Variants in DPP10 observed in about 807,000 individuals in gnomAD.
The protein encoded by DPP10 is dipeptidyl peptidase like 10.
In DPP10, 33 loss-of-function variants were observed where a neutral mutation model predicts 120.9. The ratio of observed to expected loss-of-function variants is 0.27; its 90% CI spans 0.21 to 0.37. The LOEUF is 0.37. Among genes scored for constraint, DPP10 ranks in the 10% least tolerant of loss-of-function variants. DPP10 has a pLI of 1.00. For synonymous variants in DPP10, 337 were observed against 326.1 expected, an observed-to-expected ratio of 1.03 and a Z score of -0.36; for missense variants, 816 against 942.8, an observed-to-expected ratio of 0.87 and a Z score of 1.76.
chr2:115,645,269 T>C (rs1558971703), intron 5 of DPP10, among the ~76,000 whole-genome samples: 1 of 152,206 alleles, frequency 6.6e-6, no homozygotes, highest in African/African-American at 2.4e-5. Flanking sequence ...TAAAACTTTG[T>C]ATCAGTTACC....
At position 115,690,527 on chromosome 2, in the gene DPP10, T is replaced by C. The variant is rs142432159; in HGVS notation, c.576+606T>C. ...TCCCAGGTTTAAGCAATTCTTGTGCTTCAGCCTCCTGAGTACTTGGGATTA... is the reference window on the plus strand; with the variant it reads ...TCCCAGGTTTAAGCAATTCTTGTGCCTCAGCCTCCTGAGTACTTGGGATTA... On this transcript the variant is annotated intron_variant, in intron 7 of 25. Coordinates refer to ENST00000410059, the MANE Select transcript of DPP10 (RefSeq NM_020868.6). Among the ~76,000 whole-genome samples the C allele has an allele frequency of 1.9e-3, 290 of 152,222 alleles. 1 individual carries two copies. Among genetic ancestry groups the C allele is most frequent in the African/African-American group, 6.7e-3 (278 of 41,548 alleles).
intron 1 of DPP10, among the ~76,000 whole-genome samples, chr2:115,288,870 T>C (rs1034756041): frequency 1.3e-5 from 2 of 151,960 alleles, no homozygotes; most frequent in Non-Finnish European, 2.9e-5. Flanking sequence ...AGCATTCCTC[T>C]TAAGAACTGG....
chr2:115,715,645 G>A (rs1012579988), intron 7 of DPP10, among the ~76,000 whole-genome samples: 1 of 152,172 alleles, frequency 6.6e-6, no homozygotes, highest in Non-Finnish European at 1.5e-5. Flanking sequence ...AGACACATTA[G>A]GACTGCAGTG....
At chr2:115,200,403 A>G (rs757876884) in intron 1 of DPP10, among the ~76,000 whole-genome samples, 10 of 151,986 alleles carry the variant, frequency 6.6e-5, no homozygotes, top group Non-Finnish European at 1.5e-4. Context: ...TTTTTCCCCC[A>G]AAGTCATTAA....
intron 1 of DPP10, among the ~76,000 whole-genome samples, chr2:114,741,190 A>G (rs951919967): frequency 3.3e-5 from 5 of 152,196 alleles, no homozygotes; most frequent in African/African-American, 4.8e-5. Flanking sequence ...GCACTCCTAC[A>G]TCTGTCTACC....
At chr2:115,264,816 G>A (rs1466379940) in intron 1 of DPP10, among the ~76,000 whole-genome samples, 22 of 152,076 alleles carry the variant, frequency 1.4e-4, no homozygotes, top group Admixed American at 1.4e-3. Flanking sequence ...GTTTTAAAAT[G>A]TAAAGCTTTA....
chr2:115,504,224 T>A (rs759962470), intron 4 of DPP10, among the ~76,000 whole-genome samples: 2 of 151,434 alleles, frequency 1.3e-5, no homozygotes, highest in African/African-American at 2.4e-5. Flanking sequence ...TACTTCTGAT[T>A]GGGACTTTTT....
chr2:115,009,294 T>C (rs1473413648), intron 1 of DPP10, among the ~76,000 whole-genome samples: 2 of 151,524 alleles, frequency 1.3e-5, no homozygotes, highest in Admixed American at 6.6e-5. Context: ...ATGGATGAAA[T>C]TGGAAACCAT....
At chr2:115,634,512 T>C (rs562936053) in intron 5 of DPP10, among the ~76,000 whole-genome samples, 1 of 152,322 alleles carries the variant, frequency 6.6e-6, no homozygotes, top group East Asian at 1.9e-4. Flanking sequence ...CAGACTCTAT[T>C]TACCTGGTTC....
intron 2 of DPP10, among the ~76,000 whole-genome samples, chr2:115,312,168 AAAT>A (rs1444447509): frequency 2.0e-5 from 3 of 152,192 alleles, no homozygotes; most frequent in African/African-American, 7.2e-5. Context: ...ATAAAAAAGA[AAAT>A]AATAATGCTG....
chr2:115,610,720 G>A (rs1430306003), intron 5 of DPP10, among the ~76,000 whole-genome samples: 1 of 152,118 alleles, frequency 6.6e-6, no homozygotes, highest in African/African-American at 2.4e-5. Flanking sequence ...GAGATCTTGA[G>A]TAACCTGACA....
chr2:115,834,603 TA>T, intron 21 of DPP10, among the ~76,000 whole-genome samples: 1 of 152,230 alleles, frequency 6.6e-6, no homozygotes, highest in East Asian at 1.9e-4. Flanking sequence ...CTTGGCTTAT[TA>T]AAAAACATTT....
At chr2:115,432,659 T>TTG (rs59844767) in intron 3 of DPP10, among the ~76,000 whole-genome samples, 2,218 of 137,716 alleles carry the variant, frequency 0.016, 43 homozygotes, top group East Asian at 0.042. Flanking sequence ...ATAGGCAATT[T>TTG]TGTGTGTGTG....
intron 1 of DPP10, among the ~76,000 whole-genome samples, chr2:115,186,718 GGT>G (rs1326717865): frequency 6.6e-6 from 1 of 152,148 alleles, no homozygotes. Context: ...TCTAGGAGGT[GGT>G]GTGTGATGAG....
intron 1 of DPP10, among the ~76,000 whole-genome samples, chr2:115,004,657 C>A (rs530441285): frequency 6.6e-6 from 1 of 152,174 alleles, no homozygotes. Flanking sequence ...TGCACTTTTC[C>A]GTTGGGCTTA....
At chr2:115,119,731 A>T (rs746311272) in intron 1 of DPP10, among the ~76,000 whole-genome samples, 6 of 152,166 alleles carry the variant, frequency 3.9e-5, no homozygotes, top group Non-Finnish European at 7.3e-5. Context: ...TTCTAAAAGG[A>T]TGCCTCTTGA....
chr2:115,477,958 G>A (rs11900689), intron 3 of DPP10, among the ~76,000 whole-genome samples: 1,697 of 152,226 alleles, frequency 0.011, 32 homozygotes, highest in African/African-American at 0.039. Context: ...AGGGTAGCTG[G>A]CATCTCACAT....
chr2:115,060,125 C>T (rs1706281146), intron 1 of DPP10, among the ~76,000 whole-genome samples: 1 of 151,504 alleles, frequency 6.6e-6, no homozygotes, highest in Non-Finnish European at 1.5e-5. Context: ...TAGTTTAGTG[C>T]AGTGCCAGGC....
intron 1 of DPP10, among the ~76,000 whole-genome samples, chr2:114,537,199 G>A (rs1423760039): frequency 6.6e-6 from 1 of 152,174 alleles, no homozygotes; most frequent in African/African-American, 2.4e-5. Context: ...CAGCCAATGA[G>A]CTCAGGGATG....
Sources: allele counts gnomAD v4.1 joint callset (sites outside exome capture counted in the v4.1 genomes callset), GRCh38; gene constraint gnomAD v4.1.1; transcripts MANE v1.5; gene names NCBI Gene and HGNC (gene_info 2026-07-23, HGNC 2026-07-21).